The following LRRC49 variants were observed in gnomAD, a reference collection of about 807,000 sequenced individuals.
The protein encoded by LRRC49 is leucine-rich repeat-containing protein 49.
A neutral mutation model predicts 83.3 loss-of-function variants in LRRC49; 50 were observed. The observed-to-expected ratio is 0.60, with a 90% CI of 0.48 to 0.76. The LOEUF (loss-of-function observed/expected upper bound fraction) is 0.76, where lower values mean the gene tolerates loss of function less well. Among genes scored for constraint, LRRC49 ranks in the 30% least tolerant of loss-of-function variants. The probability of loss-of-function intolerance (pLI) is 0.00; values close to 1 mark genes in which losing one functional copy is unlikely to be tolerated. For missense variants in LRRC49, 704 were observed against 809.1 expected (o/e 0.87, Z 1.58); for synonymous variants, 286 against 283.3 (o/e 1.01, Z -0.10).
At chr15:70,982,697 G>T (rs929376381) in intron 10 of LRRC49, among the ~76,000 whole-genome samples, 1 of 152,128 alleles carries the variant, frequency 6.6e-6, no homozygotes, top group African/African-American at 2.4e-5. Context: ...GCACACTACA[G>T]CTTTCAACTC....
intron 9 of LRRC49, among the ~76,000 whole-genome samples, chr15:70,965,623 G>A (rs28547493): frequency 0.029 from 4,426 of 151,718 alleles, 219 homozygotes; most frequent in African/African-American, 0.1. Context: ...TAGGTTTTTG[G>A]CATTAATATC....
Position 71,008,573 on chromosome 15 carries a change from T to C in LRRC49, c.1364T>C (p.Val455Ala). ...SFTFIEFDEI[V>A]QVLPKLKIKF... ...ACTTTCATAGAATTTGATGAAATCG[T>C]CCAAGTGCTTCCTAAACTGAAGATT... The change falls in exon 12 of 16, where the codon GTC (valine) becomes GCC (alanine). Residue 455 changes from valine (V) to alanine (A), a missense_variant. Physicochemically the swap from Val to Ala is moderately conservative, Grantham distance 64. Around this residue, in one of 3 missense-constraint regions of LRRC49, gnomAD observed 275 missense variants for 338.0 expected, o/e 0.81. Transcript: ENST00000260382. 6.2e-7 allele frequency: 1 copy of C among 1,612,510 alleles called. No individual in the cohort carries two copies. The highest frequency in any genetic ancestry group is 8.5e-7 in the Non-Finnish European group (1 of 1,178,948).
intron 14 of LRRC49, among the ~76,000 whole-genome samples, chr15:71,032,725 G>A (rs1002196659): frequency 2.0e-5 from 3 of 152,034 alleles, no homozygotes; most frequent in Non-Finnish European, 4.4e-5. Context: ...ATCAATAAAC[G>A]TAATTCATCA....
At chr15:70,983,405 A>G (rs28610462) in intron 10 of LRRC49, among the ~76,000 whole-genome samples, 3,346 of 152,230 alleles carry the variant, frequency 0.022, 134 homozygotes, top group African/African-American at 0.076. Context: ...GCAATCTGTT[A>G]TAAGCTCCAG....
In LRRC49 at chr15:70,853,471, T is replaced by A. The variant is rs1260999355; in HGVS notation, c.-299+2T>A. The A allele has an allele frequency of 6.4e-6, 1 of 155,710 alleles. No homozygotes were observed. The highest frequency in any genetic ancestry group is 1.9e-4 in the East Asian group (1 of 5,308). 9.6% of individuals were successfully genotyped at this position (155,710 alleles called of 1,614,324 possible). ...GCAGGGCGATGATGGCAGTGAAGGGTAAGCGGGACCACTCGCAAGGGGAGG... is the reference window on the plus strand; with the variant it reads ...GCAGGGCGATGATGGCAGTGAAGGGAAAGCGGGACCACTCGCAAGGGGAGG... On this transcript the variant is annotated splice_donor_variant, in intron 1 of 16. Coordinates refer to the LRRC49 transcript ENST00000544974. LOFTEE classifies it low-confidence loss of function (5UTR_SPLICE).
chr15:70,874,900 G>A (rs1176181771), intron 2 of LRRC49, among the ~76,000 whole-genome samples: 4 of 152,200 alleles, frequency 2.6e-5, no homozygotes, highest in Admixed American at 6.6e-5. Context: ...AGCAGTCAGC[G>A]AACAACAGCA....
chr15:70,944,663 C>G (rs983069658), intron 8 of LRRC49, among the ~76,000 whole-genome samples: 1 of 152,144 alleles, frequency 6.6e-6, no homozygotes, highest in Non-Finnish European at 1.5e-5. Flanking sequence ...CCTTGGCCTC[C>G]CAACGTGCTG....
Position 71,037,308 on chromosome 15 carries a change from A to G in LRRC49, c.1833A>G (p.Arg611=), listed in dbSNP as rs2039553505. 6.2e-7 allele frequency: 1 copy of G among 1,600,948 alleles called. No individual in the cohort carries two copies. The highest frequency in any genetic ancestry group is 1.3e-5 in the African/African-American group (1 of 74,126). ...GTGCTACATTAAATTATACTACAAGAGACTTTTATAATGAAAAGCTAGAGG... is the reference window on the plus strand; with the variant it reads ...GTGCTACATTAAATTATACTACAAGGGACTTTTATAATGAAAAGCTAGAGG... ...TNRATLNYTT[R]DFYNEKLEEI... Residue 611 remains arginine (R), a synonymous_variant, in exon 15 of 16, where the codon AGA becomes AGG. Transcript: ENST00000260382.
chr15:70,933,830 T>C (rs1463899577), intron 7 of LRRC49, among the ~76,000 whole-genome samples: 1 of 151,974 alleles, frequency 6.6e-6, no homozygotes, highest in Non-Finnish European at 1.5e-5. Context: ...CACGGTGAGG[T>C]TTTCAAAGTG....
At chr15:70,933,353 T>G (rs1003771784) in intron 7 of LRRC49, among the ~76,000 whole-genome samples, 5 of 152,196 alleles carry the variant, frequency 3.3e-5, no homozygotes, top group Non-Finnish European at 5.9e-5. Flanking sequence ...TTTATTTCAT[T>G]TTTTTCCCTC....
chr15:70,880,810 T>C (rs2033248267), intron 2 of LRRC49, among the ~76,000 whole-genome samples: 2 of 152,182 alleles, frequency 1.3e-5, no homozygotes, highest in South Asian at 4.1e-4. Flanking sequence ...TGGGGACAAA[T>C]GGGCATGTAA....
At chr15:70,894,145 T>C (rs369288908) in intron 2 of LRRC49, among the ~76,000 whole-genome samples, 2 of 152,296 alleles carry the variant, frequency 1.3e-5, no homozygotes, top group South Asian at 4.1e-4. Context: ...ATCCGCTTGC[T>C]TTGGCCTCCC....
intron 8 of LRRC49, among the ~76,000 whole-genome samples, chr15:70,943,242 C>T (rs1194337272): frequency 1.3e-5 from 2 of 151,822 alleles, no homozygotes; most frequent in Non-Finnish European, 2.9e-5. Context: ...ATTTTTATAT[C>T]TGTTACCAGC....
At chr15:70,972,389 C>A (rs1028831794) in intron 9 of LRRC49, among the ~76,000 whole-genome samples, 2 of 152,016 alleles carry the variant, frequency 1.3e-5, no homozygotes, top group African/African-American at 4.8e-5. Flanking sequence ...GTAGATAACG[C>A]AACCTTTCTC....
chr15:70,884,258 C>A (rs2033344348), intron 2 of LRRC49, among the ~76,000 whole-genome samples: 2 of 151,934 alleles, frequency 1.3e-5, no homozygotes, highest in Non-Finnish European at 2.9e-5. Context: ...AACTTTGTGG[C>A]CACACACAGT....
chr15:70,984,550 T>G (rs1277632440), intron 11 of LRRC49: 1 of 192,868 alleles, frequency 5.2e-6, no homozygotes, highest in Non-Finnish European at 1.0e-5. Context: ...CCATCAACCA[T>G]GTTCTTCTGC....
intron 8 of LRRC49, among the ~76,000 whole-genome samples, chr15:70,954,685 C>T (rs1432707904): frequency 6.6e-6 from 1 of 151,526 alleles, no homozygotes; most frequent in African/African-American, 2.4e-5. Context: ...TTTCTGGATG[C>T]TTTTAGGGGG....
intron 8 of LRRC49, among the ~76,000 whole-genome samples, chr15:70,954,254 T>C (rs1439009063): frequency 1.3e-5 from 2 of 152,226 alleles, no homozygotes; most frequent in Non-Finnish European, 2.9e-5. Flanking sequence ...CCAATTGTAT[T>C]TTGAAATTCC....
chr15:70,997,655 G>T (rs1212924466), intron 11 of LRRC49, among the ~76,000 whole-genome samples: 1 of 152,230 alleles, frequency 6.6e-6, no homozygotes. Context: ...GGAGGCTGAG[G>T]CAGGAGAATC....
Sources: gnomAD v4.1 joint callset for allele counts (sites outside exome capture counted in the v4.1 genomes callset) on GRCh38, gnomAD v4.1.1 for gene constraint, gnomAD v4.1.1 regional missense constraint, MANE v1.5 for transcripts, NCBI Gene and HGNC (gene_info 2026-07-23, HGNC 2026-07-21) for gene names.